Variants in SC5D observed in about 807,000 individuals in gnomAD.
SC5D encodes sterol-C5-desaturase.
SC5D carries 21 observed loss-of-function variants against 23.9 expected under a neutral mutation model. The ratio of observed to expected loss-of-function variants is 0.88; its 90% CI spans 0.62 to 1.26. SC5D has a LOEUF of 1.26. Ranked by LOEUF, SC5D falls within the 50% of genes most tolerant of loss-of-function variation. The probability of loss-of-function intolerance (pLI) is 0.00; values close to 1 mark genes in which losing one functional copy is unlikely to be tolerated. For missense variants in SC5D, 309 were observed against 364.8 expected (o/e 0.85, Z 1.25); for synonymous variants, 113 against 125.9 (o/e 0.90, Z 0.68).
chr11:121,296,618 G>A (rs191316621), intron 1 of SC5D, among the ~76,000 whole-genome samples: 17 of 152,294 alleles, frequency 1.1e-4, no homozygotes, highest in Admixed American at 7.2e-4. Flanking sequence ...ATTGCAGCAC[G>A]TGTCCTATTG....
At chr11:121,293,258 G>A (rs1480123996) in intron 1 of SC5D, among the ~76,000 whole-genome samples, 3 of 152,240 alleles carry the variant, frequency 2.0e-5, no homozygotes, top group South Asian at 4.1e-4. Context: ...TAAAGAAAAT[G>A]CAGTGTTTGA....
chr11:121,310,617 C>T lies in SC5D; in HGVS notation c.*3105C>T, dbSNP rs780881354. Among the ~76,000 whole-genome samples, 4 of 152,046 alleles carry T rather than the reference C, an allele frequency of 2.6e-5. No individual in the cohort carries two copies. The highest frequency in any genetic ancestry group is 2.1e-4 in the South Asian group (1 of 4,812). ...GGACTACAGGTGCCCGCCACCACCACGCCCGGCTAATTTTTTATATTTTTA... is the reference window on the plus strand; with the variant it reads ...GGACTACAGGTGCCCGCCACCACCATGCCCGGCTAATTTTTTATATTTTTA... On this transcript the variant is annotated 3_prime_UTR_variant, in exon 5 of 5. Coordinates refer to ENST00000264027, the MANE Select transcript of SC5D (RefSeq NM_006918.5).
At chr11:121,294,792 A>G (rs561322885) in intron 1 of SC5D, among the ~76,000 whole-genome samples, 67 of 152,330 alleles carry the variant, frequency 4.4e-4, no homozygotes, top group African/African-American at 1.4e-3. Context: ...GTTGCACGAT[A>G]CTATTCTAGG....
At position 121,307,564 on chromosome 11, in the gene SC5D, T is replaced by C; in HGVS notation, c.*52T>C. On this transcript the variant is annotated 3_prime_UTR_variant, in exon 5 of 5. Transcript: ENST00000264027. ...GGACAAAGAAGGAAATATCATCGTA[T>C]TTCTTTTTTTTAATAAGGAAAAAAT... 2 of 1,254,526 alleles carry C rather than the reference T, an allele frequency of 1.6e-6. No individual in the cohort carries two copies. 77.7% of individuals were successfully genotyped at this position (1,254,526 alleles called of 1,614,324 possible).
intron 1 of SC5D, among the ~76,000 whole-genome samples, chr11:121,296,613 A>G (rs1170652380): frequency 6.6e-6 from 1 of 152,220 alleles, no homozygotes; most frequent in Non-Finnish European, 1.5e-5. Context: ...TCTGTATTGC[A>G]GCACGTGTCC....
chr11:121,294,743 T>A (rs1288988220), intron 1 of SC5D, among the ~76,000 whole-genome samples: 1 of 152,206 alleles, frequency 6.6e-6, no homozygotes, highest in African/African-American at 2.4e-5. Flanking sequence ...ACTTAGTCTC[T>A]AAACCTCACA....
rs892489359 is a variant in SC5D, at chr11:121,302,693, A to G, written c.-10-673A>G. On this transcript the variant is annotated intron_variant, in intron 1 of 4. Coordinates refer to ENST00000264027, the MANE Select transcript of SC5D (RefSeq NM_006918.5). ...GTCGCTGTGTTCCATAAAGATTTTT[A>G]CAAAGCAGGCTCTGAGTTTGGCCCG... Among the ~76,000 whole-genome samples the G allele has an allele frequency of 2.2e-4, 33 of 152,180 alleles. 1 individual carries two copies. Among genetic ancestry groups the G allele is most frequent in the African/African-American group, 7.7e-4 (32 of 41,450 alleles).
chr11:121,297,555 GTGTTTTTTAT>G (rs1565566984), intron 1 of SC5D, among the ~76,000 whole-genome samples: 1 of 152,196 alleles, frequency 6.6e-6, no homozygotes, highest in Non-Finnish European at 1.5e-5. Flanking sequence ...GGTATTCCTG[GTGTTTTTTAT>G]TGTTTTGTTA....
chr11:121,303,300 C>T, intron 1 of SC5D, 66 bp from the exon 2 acceptor site: 3 of 1,322,248 alleles, frequency 2.3e-6, no homozygotes, highest in East Asian at 4.6e-5. Flanking sequence ...TATAGTGTTT[C>T]TGAAAAATTT....
Position 121,308,535 on chromosome 11 carries a change from G to A in SC5D, c.*1023G>A, listed in dbSNP as rs766386283. ...AAAGATTTAACAAATACATTCATAA[G>A]GAAATGTGTGTTGTAACAAATATAT... On this transcript the variant is annotated 3_prime_UTR_variant, in exon 5 of 5. Transcript: ENST00000264027. 1.3e-5 allele frequency: 2 copies of A among 152,534 alleles called. No homozygotes were observed. The highest frequency in any genetic ancestry group is 4.8e-5 in the African/African-American group (2 of 41,428). 9.4% of individuals were successfully genotyped at this position (152,534 alleles called of 1,614,324 possible). A position where few individuals can be genotyped will look rare whatever the true frequency, so the allele number is the denominator to read the frequency against.
In SC5D at chr11:121,303,368, GC is replaced by G; in HGVS notation, c.-7del. On this transcript the variant is annotated 5_prime_UTR_variant, in exon 2 of 5. Transcript: ENST00000264027. ...TGTCACACATGCTTATTTTTTAGGGGCTAAGTGATGGATCTTGTACTCCGTG... is the reference window on the plus strand; with the variant it reads ...TGTCACACATGCTTATTTTTTAGGGGTAAGTGATGGATCTTGTACTCCGTG... 6.2e-7 allele frequency: 1 copy of G among 1,613,342 alleles called. No homozygotes were observed. The highest frequency in any genetic ancestry group is 8.5e-7 in the Non-Finnish European group (1 of 1,179,386).
At chr11:121,306,523 C>A in intron 4 of SC5D, 37 bp downstream of exon 4, 1 of 965,422 alleles carries the variant, frequency 1.0e-6, no homozygotes, top group Non-Finnish European at 1.7e-6. Flanking sequence ...AAAAAGGTTA[C>A]ACATTTCAGC....
In SC5D at chr11:121,311,307, G is replaced by T. The variant is rs779492839; in HGVS notation, c.*3795G>T. On this transcript the variant is annotated 3_prime_UTR_variant, in exon 5 of 5. Coordinates refer to ENST00000264027, the MANE Select transcript of SC5D (RefSeq NM_006918.5). Reference sequence around the variant, plus strand: ...AATTCTCTTCTGATGCTGTCTTTTTGGCCAACCATTTTTTTATCATTTATT... The same window carrying T: ...AATTCTCTTCTGATGCTGTCTTTTTTGCCAACCATTTTTTTATCATTTATT... Among the ~76,000 whole-genome samples the T allele has an allele frequency of 6.6e-6, 1 of 152,112 alleles. No homozygotes were observed. The highest frequency in any genetic ancestry group is 1.5e-5 in the Non-Finnish European group (1 of 68,016).
intron 1 of SC5D, among the ~76,000 whole-genome samples, chr11:121,303,147 C>T (rs1043711087): frequency 6.6e-6 from 1 of 152,128 alleles, no homozygotes; most frequent in African/African-American, 2.4e-5. Context: ...TCTAACTGAG[C>T]TTTAGCATCC....
chr11:121,306,989 T>G lies in SC5D; in HGVS notation c.445-68T>G, dbSNP rs1306392918. The G allele has an allele frequency of 8.0e-5, 103 of 1,291,762 alleles. 1 individual carries two copies. The highest frequency in any genetic ancestry group is 1.4e-4 in the East Asian group (6 of 43,338). 80.0% of individuals were successfully genotyped at this position (1,291,762 alleles called of 1,614,324 possible). ...TGTTAGGTTGTTTCCAACATGAGTG[T>G]GAGAAGCTAAGTTGAATGTTGCACG... On this transcript the variant is annotated intron_variant, in intron 4 of 4. Transcript: ENST00000264027.
intron 2 of SC5D, chr11:121,304,052 T>A (rs1308548959): frequency 3.1e-6 from 1 of 326,274 alleles, no homozygotes; most frequent in African/African-American, 2.2e-5. Context: ...AAAGAAAAAA[T>A]AGAGAGGATT....
rs1565570564 is a variant in SC5D at position 121,307,542 on chromosome 11, CA to C, written c.*33del. ...TTGCCCAGTTATTCTTAAGTAAGGA[CA>C]AAGAAGGAAATATCATCGTATTTCT... On this transcript the variant is annotated 3_prime_UTR_variant, in exon 5 of 5. Coordinates refer to ENST00000264027, the MANE Select transcript of SC5D (RefSeq NM_006918.5). 5.6e-6 allele frequency: 8 copies of C among 1,416,568 alleles called. No homozygotes were observed. Among genetic ancestry groups the C allele is most frequent in the Non-Finnish European group, 6.8e-6 (7 of 1,025,376 alleles). The allele number at this position is 1,416,568 out of a possible 1,614,324, so 87.7% of individuals were successfully genotyped here. A position where few individuals can be genotyped will look rare whatever the true frequency, so the allele number is the denominator to read the frequency against.
chr11:121,304,574 T>C (rs1460342318), intron 3 of SC5D, 81 bp downstream of exon 3: 2 of 1,184,168 alleles, frequency 1.7e-6, no homozygotes, highest in Non-Finnish European at 2.5e-6. Flanking sequence ...CTGCCCTTTT[T>C]TTTTTCATCT....
chr11:121,311,069 G>T lies in SC5D; in HGVS notation c.*3557G>T, dbSNP rs963848199. Among the ~76,000 whole-genome samples the T allele has an allele frequency of 1.3e-5, 2 of 152,182 alleles. No individual in the cohort carries two copies. The highest frequency in any genetic ancestry group is 2.9e-5 in the Non-Finnish European group (2 of 68,040). On this transcript the variant is annotated 3_prime_UTR_variant, in exon 5 of 5. Transcript: ENST00000264027. ...GCTATCACCTATTACTTTTATGTGT[G>T]TCTTACCTATTTGAGATGCCAGATT...
Sources: gnomAD v4.1 joint callset for allele counts (sites outside exome capture counted in the v4.1 genomes callset) on GRCh38, gnomAD v4.1.1 for gene constraint, MANE v1.5 for transcripts, NCBI Gene and HGNC (gene_info 2026-07-23, HGNC 2026-07-21) for gene names.